The following FBXL20 variants were observed in gnomAD, a reference collection of about 807,000 sequenced individuals.
FBXL20 encodes F-box and leucine rich repeat protein 20.
FBXL20 carries 11 observed loss-of-function variants against 64.0 expected under a neutral mutation model. The observed-to-expected ratio is 0.17, with a 90% CI of 0.11 to 0.28. The LOEUF (loss-of-function observed/expected upper bound fraction) is 0.28. Ranked by LOEUF, FBXL20 falls within the 10% of genes least tolerant of loss-of-function variation. The pLI is 1.00. For synonymous variants in FBXL20, 184 were observed against 189.0 expected, an observed-to-expected ratio of 0.97 and a Z score of 0.22; for missense variants, 303 against 526.2, an observed-to-expected ratio of 0.58 and a Z score of 4.15.
upstream of FBXL20, chr17:39,401,759 C>T (rs1298018810): frequency 1.3e-5 from 14 of 1,052,690 alleles, no homozygotes; most frequent in Non-Finnish European, 1.6e-5. Context: ...GCGGCGGCGG[C>T]GGCGCGAGAC....
At position 39,259,297 on chromosome 17, in the gene FBXL20, C is replaced by A. The variant is rs1202465770; in HGVS notation, c.*2163G>T. The A allele has an allele frequency of 6.6e-6, 1 of 151,332 alleles. No homozygotes were observed. 9.4% of individuals were successfully genotyped at this position (151,332 alleles called of 1,614,324 possible). A position where few individuals can be genotyped will look rare whatever the true frequency, so the allele number is the denominator to read the frequency against. On this transcript the variant is annotated 3_prime_UTR_variant, in exon 15 of 15. Transcript: ENST00000264658. ...TGGGCAAGATAGCGAGACCCCATCT[C>A]TAAAAAAATAAAATAAAATAAAATA...
rs143104131 is a variant in FBXL20 at position 39,385,245 on chromosome 17, G to GCA, written c.42+16114_42+16115dup. The stretch of plus-strand genomic sequence containing the variant: ...TCTAGAAACACACACGCGCGTGCGT[G>GCA]CACACACACACACACAAGCTATGAT... On this transcript the variant is annotated intron_variant, in intron 1 of 14. Coordinates refer to ENST00000264658, the MANE Select transcript of FBXL20 (RefSeq NM_032875.3). 9.5e-3 allele frequency among the ~76,000 whole-genome samples: 1,424 copies of GCA among 150,140 alleles called. 23 individuals are homozygous for GCA. The highest frequency in any genetic ancestry group is 0.031 in the African/African-American group (1,259 of 41,070).
At chr17:39,343,072 G>GATACAGATACTATACAT in intron 2 of FBXL20, 108 bp downstream of exon 2, 1 of 600,806 alleles carries the variant, frequency 1.7e-6, no homozygotes, top group Non-Finnish European at 2.8e-6. Flanking sequence ...TAAAAATTCA[G>GATACAGATACTATACAT]ATACAGATAC....
At chr17:39,351,499 T>C (rs1469167866) in intron 1 of FBXL20, among the ~76,000 whole-genome samples, 2 of 152,140 alleles carry the variant, frequency 1.3e-5, no homozygotes, top group Non-Finnish European at 2.9e-5. Context: ...CTATTTTATA[T>C]TTCAGTTGAA....
intron 2 of FBXL20, among the ~76,000 whole-genome samples, chr17:39,315,290 T>C (rs1024296449): frequency 4.6e-5 from 7 of 151,984 alleles, no homozygotes; most frequent in African/African-American, 1.4e-4. Context: ...GCTAATGATG[T>C]TGAGCATCTT....
At chr17:39,378,916 A>G (rs2047996320) in intron 1 of FBXL20, among the ~76,000 whole-genome samples, 1 of 144,068 alleles carries the variant, frequency 6.9e-6, no homozygotes, top group Non-Finnish European at 1.5e-5. Context: ...CGGCCATAGG[A>G]TGGCTATAAT....
chr17:39,276,606 T>C (rs1241531340), intron 9 of FBXL20, among the ~76,000 whole-genome samples: 2 of 151,770 alleles, frequency 1.3e-5, no homozygotes, highest in Non-Finnish European at 2.9e-5. Context: ...GAGGTGGAGG[T>C]TGCAGTGAGC....
intron 2 of FBXL20, among the ~76,000 whole-genome samples, chr17:39,305,268 A>G (rs754066820): frequency 6.6e-6 from 1 of 152,216 alleles, no homozygotes; most frequent in Admixed American, 6.5e-5. Flanking sequence ...GTTAGAAAAT[A>G]TTTACTGTCT....
chr17:39,294,329 G>A (rs533438143), intron 6 of FBXL20, among the ~76,000 whole-genome samples: 1 of 151,858 alleles, frequency 6.6e-6, no homozygotes, highest in South Asian at 2.1e-4. Flanking sequence ...AGGCTGGAGT[G>A]CAGTGAAACA....
intron 14 of FBXL20, among the ~76,000 whole-genome samples, chr17:39,263,173 G>A (rs1248840138): frequency 2.0e-5 from 3 of 151,956 alleles, no homozygotes; most frequent in Non-Finnish European, 4.4e-5. Flanking sequence ...TTGAGGCCAG[G>A]AATTTGAGAC....
chr17:39,335,228 G>A (rs758303590), intron 2 of FBXL20, among the ~76,000 whole-genome samples: 1 of 151,456 alleles, frequency 6.6e-6, no homozygotes, highest in African/African-American at 2.4e-5. Flanking sequence ...TCTTGCTTCT[G>A]TAATACGCTT....
At chr17:39,378,120 C>G (rs1158942556) in intron 1 of FBXL20, among the ~76,000 whole-genome samples, 1 of 152,152 alleles carries the variant, frequency 6.6e-6, no homozygotes, top group East Asian at 1.9e-4. Context: ...ACAAACAATA[C>G]TAATACAACA....
intron 12 of FBXL20, among the ~76,000 whole-genome samples, chr17:39,267,281 A>C (rs561549796): frequency 4.1e-4 from 63 of 152,130 alleles, no homozygotes; most frequent in South Asian, 1.2e-3. Flanking sequence ...CAAAACAAAA[A>C]AAAACAGTCT....
At chr17:39,349,302 G>A (rs1054631861) in intron 1 of FBXL20, among the ~76,000 whole-genome samples, 1 of 132,420 alleles carries the variant, frequency 7.6e-6, no homozygotes, top group Non-Finnish European at 1.6e-5. Flanking sequence ...TCCAGCCTGG[G>A]CAACAGAGCA....
chr17:39,334,441 C>CT (rs2047499755), intron 2 of FBXL20, among the ~76,000 whole-genome samples: 2 of 151,356 alleles, frequency 1.3e-5, no homozygotes, highest in Admixed American at 6.6e-5. Context: ...ATCCCCCTCT[C>CT]CGAGAAACAC....
chr17:39,379,143 T>C (rs1233704730), intron 1 of FBXL20, among the ~76,000 whole-genome samples: 1 of 149,776 alleles, frequency 6.7e-6, no homozygotes, highest in Non-Finnish European at 1.5e-5. Context: ...GGAGAATCGC[T>C]TGAACCCAGG....
chr17:39,272,260 C>A (rs1375929857), intron 10 of FBXL20, among the ~76,000 whole-genome samples: 1 of 151,680 alleles, frequency 6.6e-6, no homozygotes, highest in Non-Finnish European at 1.5e-5. Context: ...GTGGTGGGCA[C>A]GTGTAGTCCC....
chr17:39,379,914 G>A (rs1179923675), intron 1 of FBXL20, among the ~76,000 whole-genome samples: 1 of 152,140 alleles, frequency 6.6e-6, no homozygotes, highest in East Asian at 1.9e-4. Flanking sequence ...AGGAGGTCAA[G>A]GCTACAGTGA....
intron 2 of FBXL20, among the ~76,000 whole-genome samples, chr17:39,312,819 G>A (rs1041945593): frequency 2.7e-5 from 4 of 149,944 alleles, no homozygotes; most frequent in Admixed American, 6.7e-5. Context: ...CTCGTGATCC[G>A]CCTGCCTCAG....
Sources: gnomAD v4.1 joint callset for allele counts (sites outside exome capture counted in the v4.1 genomes callset) on GRCh38, gnomAD v4.1.1 for gene constraint, MANE v1.5 for transcripts, NCBI Gene and HGNC (gene_info 2026-07-23, HGNC 2026-07-21) for gene names.